Variants in TMEM127 observed in about 807,000 individuals in gnomAD.
TMEM127 encodes the protein transmembrane protein 127.
In TMEM127, 21 loss-of-function variants were observed where a neutral mutation model predicts 20.1. The observed-to-expected ratio is 1.04, with a 90% CI of 0.74 to 1.50. The LOEUF is 1.50. Among genes scored for constraint, TMEM127 ranks in the 40% most tolerant of loss-of-function variants. The pLI is 0.00. For missense variants in TMEM127, 303 were observed against 317.4 expected (o/e 0.95, Z 0.34); for synonymous variants, 150 against 144.7 (o/e 1.04, Z -0.26).
At chr2:96,262,403 A>G (rs1377623734) in intron 2 of TMEM127, among the ~76,000 whole-genome samples, 1 of 152,168 alleles carries the variant, frequency 6.6e-6, no homozygotes, top group Non-Finnish European at 1.5e-5. Context: ...ACAGGATACT[A>G]CATGTCTGAA....
In TMEM127 at chr2:96,250,626, G is replaced by T; in HGVS notation, c.*3182C>A. The T allele has an allele frequency of 8.6e-6, 2 of 233,044 alleles. No individual in the cohort carries two copies. The highest frequency in any genetic ancestry group is 1.7e-5 in the Non-Finnish European group (2 of 117,896). The allele number at this position is 233,044 out of a possible 1,614,324, so 14.4% of individuals were successfully genotyped here. On this transcript the variant is annotated 3_prime_UTR_variant, in exon 4 of 4. Coordinates refer to ENST00000258439, the MANE Select transcript of TMEM127 (RefSeq NM_017849.4). ...ACAACAACAAAAGAGACCTAAATGG[G>T]CTGCTCCCTGAAGAGAGCCCTCAGC...
At chr2:96,264,641 A>G (rs1238661852) in intron 2 of TMEM127, among the ~76,000 whole-genome samples, 1 of 152,252 alleles carries the variant, frequency 6.6e-6, no homozygotes, top group Admixed American at 6.5e-5. Context: ...CGACTGTTGT[A>G]CTGCGGGTGG....
chr2:96,254,817 C>T lies in TMEM127; in HGVS notation c.409+16G>A, dbSNP rs2104286752. On this transcript the variant is annotated intron_variant, in intron 3 of 3. Transcript: ENST00000258439. ...GTAGCAGTTCCTCTCCCACTGTGAGCAGGCTCACGGCTTACCCGTTAGGAT... is the reference window on the plus strand; with the variant it reads ...GTAGCAGTTCCTCTCCCACTGTGAGTAGGCTCACGGCTTACCCGTTAGGAT... 1 of 1,613,832 alleles carries T rather than the reference C, an allele frequency of 6.2e-7. No individual in the cohort carries two copies. Among genetic ancestry groups the T allele is most frequent in the Non-Finnish European group, 8.5e-7 (1 of 1,179,874 alleles).
rs1684036562 is a variant in TMEM127 at position 96,249,147 on chromosome 2, G to C, written c.*4661C>G. 4.4e-6 allele frequency: 1 copy of C among 228,172 alleles called. No homozygotes were observed. Among genetic ancestry groups the C allele is most frequent in the Non-Finnish European group, 8.7e-6 (1 of 114,878 alleles). The allele number at this position is 228,172 out of a possible 1,614,324, so 14.1% of individuals were successfully genotyped here. On this transcript the variant is annotated 3_prime_UTR_variant, in exon 4 of 4. Transcript: ENST00000258439. ...GATGGAGTCTCACTCTGTCAGGCTG[G>C]AGTCCAGTGGCATGATCTCGGCTCA...
rs1684402930 is a variant in TMEM127 at position 96,265,510 on chromosome 2, G to A, written c.-129C>T. ...GTTCGCTGCAGGTGAAGCCGGGACT[G>A]GGCTGTCAGGGTTGACACCAGAGGA... On this transcript the variant is annotated splice_region_variant and 5_prime_UTR_variant, in exon 2 of 4. Transcript: ENST00000258439. 10 of 1,201,954 alleles carry A rather than the reference G, an allele frequency of 8.3e-6. No homozygotes were observed. The highest frequency in any genetic ancestry group is 1.0e-5 in the Non-Finnish European group (10 of 954,296). 74.5% of individuals were successfully genotyped at this position (1,201,954 alleles called of 1,614,324 possible).
intron 2 of TMEM127, among the ~76,000 whole-genome samples, chr2:96,256,758 C>T (rs1444610151): frequency 6.6e-6 from 1 of 152,034 alleles, no homozygotes; most frequent in East Asian, 1.9e-4. Context: ...TTTAGTTTAG[C>T]TCCCTCCCTG....
At chr2:96,260,442 C>A (rs183805338) in intron 2 of TMEM127, 125 of 152,358 alleles carry the variant, frequency 8.2e-4, no homozygotes, top group Middle Eastern at 3.4e-3. Context: ...ACTTGAAATT[C>A]AAGCCAGTGG....
rs762609051 is a variant in TMEM127, at chr2:96,248,652, C to G, written c.*5156G>C. The G allele has an allele frequency of 1.3e-5, 3 of 225,520 alleles. No individual in the cohort carries two copies. The highest frequency in any genetic ancestry group is 2.6e-5 in the Non-Finnish European group (3 of 113,286). The allele number at this position is 225,520 out of a possible 1,614,324, so 14.0% of individuals were successfully genotyped here. A position where few individuals can be genotyped will look rare whatever the true frequency, so the allele number is the denominator to read the frequency against. ...CAAGAGGGAAGTGAAGCCATGGGGG[C>G]ATCTGGGGCTACATGGTCTATCTCG... is the stretch of plus-strand genomic sequence containing the variant. On this transcript the variant is annotated 3_prime_UTR_variant, in exon 4 of 4. Coordinates refer to ENST00000258439, the MANE Select transcript of TMEM127 (RefSeq NM_017849.4).
rs1447112240 is a variant in TMEM127 at position 96,254,981 on chromosome 2, G to A, written c.261C>T (p.Pro87=). ...TGACCCGCAGGAGCAGCACTGTCTG[G>A]GGATTCATGCAGAAATCTGTAGAGG... The part of the protein sequence containing the change: ...PDLLKDFCMN[P]QTVLLLRVIA... The change falls in exon 3 of 4, where the codon CCC becomes CCT. Residue 87 remains proline (P), a synonymous_variant. Transcript: ENST00000258439. The A allele has an allele frequency of 1.9e-6, 3 of 1,614,196 alleles. No individual in the cohort carries two copies. In the South Asian group the frequency reaches 3.3e-5, roughly 18 times the overall value.
chr2:96,250,238 C>T lies in TMEM127; in HGVS notation c.*3570G>A, dbSNP rs147574050. The T allele has an allele frequency of 4.3e-5, 10 of 233,252 alleles. No homozygotes were observed. Among genetic ancestry groups the T allele is most frequent in the African/African-American group, 1.3e-4 (6 of 45,440 alleles). 14.4% of individuals were successfully genotyped at this position (233,252 alleles called of 1,614,324 possible). ...TGAGCACCCCTCACCTTTCTAACCT[C>T]GGCTCTTACCACCTCCTGGCCACCA... On this transcript the variant is annotated 3_prime_UTR_variant, in exon 4 of 4. Coordinates refer to ENST00000258439, the MANE Select transcript of TMEM127 (RefSeq NM_017849.4).
chr2:96,261,698 T>C (rs900650456), intron 2 of TMEM127, among the ~76,000 whole-genome samples: 1 of 152,210 alleles, frequency 6.6e-6, no homozygotes. Flanking sequence ...AGTAAGAGTA[T>C]GGACTTTGGA....
At chr2:96,265,590 G>T in intron 1 of TMEM127, 78 bp from the exon 2 acceptor site, 2 of 545,084 alleles carry the variant, frequency 3.7e-6, no homozygotes, top group Non-Finnish European at 5.5e-6. Context: ...GGAATTCGGG[G>T]GGCGGAGACA....
rs149122699 is a variant in TMEM127 at position 96,251,796 on chromosome 2, G to A, written c.*2012C>T. Reference sequence around the variant, plus strand: ...GAAAGAAGAGGAAGGCCAAAGACATGGGGAGTGAATAAAAAGTGGGTTCCG... The same window carrying A: ...GAAAGAAGAGGAAGGCCAAAGACATAGGGAGTGAATAAAAAGTGGGTTCCG... On this transcript the variant is annotated 3_prime_UTR_variant, in exon 4 of 4. Coordinates refer to ENST00000258439, the MANE Select transcript of TMEM127 (RefSeq NM_017849.4). The A allele has an allele frequency of 4.3e-3, 991 of 233,172 alleles. 10 individuals carry two copies. Among genetic ancestry groups the A allele is most frequent in the African/African-American group, 0.02 (918 of 45,402 alleles). The allele number at this position is 233,172 out of a possible 1,614,324, so 14.4% of individuals were successfully genotyped here.
chr2:96,263,421 G>C (rs887667058), intron 2 of TMEM127, among the ~76,000 whole-genome samples: 3 of 147,994 alleles, frequency 2.0e-5, no homozygotes, highest in Admixed American at 6.8e-5. Flanking sequence ...GGAGCGCAAT[G>C]GCGCGATCTC....
chr2:96,262,414 G>A (rs540816735), intron 2 of TMEM127, among the ~76,000 whole-genome samples: 2 of 152,282 alleles, frequency 1.3e-5, no homozygotes, highest in East Asian at 1.9e-4. Context: ...CATGTCTGAA[G>A]GCCCACTGGG....
At position 96,254,506 on chromosome 2, in the gene TMEM127, G is replaced by A. The variant is rs527856362; in HGVS notation, c.409+327C>T. ...GAATCTGACCAGGAGCTCCAGGGGA[G>A]ACACGGGAGACTGCCTGGTTCCTTC... On this transcript the variant is annotated intron_variant, in intron 3 of 3. Coordinates refer to ENST00000258439, the MANE Select transcript of TMEM127 (RefSeq NM_017849.4). Among the ~76,000 whole-genome samples, 36 of 152,322 alleles carry A rather than the reference G, an allele frequency of 2.4e-4. 1 individual carries two copies. The South Asian group carries it at 4.1e-3, about 18-fold the overall frequency.
At chr2:96,261,122 T>C (rs553418979) in intron 2 of TMEM127, among the ~76,000 whole-genome samples, 1 of 152,294 alleles carries the variant, frequency 6.6e-6, no homozygotes, top group East Asian at 1.9e-4. Flanking sequence ...GTGGCCACAC[T>C]TGAGAGGCAG....
intron 2 of TMEM127, among the ~76,000 whole-genome samples, chr2:96,256,220 G>A (rs1406732138): frequency 6.8e-6 from 1 of 146,838 alleles, no homozygotes; most frequent in Non-Finnish European, 1.5e-5. Flanking sequence ...GCAGTGAGCC[G>A]AGATTGCACC....
chr2:96,260,147 C>G (rs1218689582), intron 2 of TMEM127, among the ~76,000 whole-genome samples: 1 of 152,222 alleles, frequency 6.6e-6, no homozygotes, highest in Non-Finnish European at 1.5e-5. Flanking sequence ...GTAACGTTAA[C>G]AGATACCCCA....
Sources: gnomAD v4.1 joint callset for allele counts (sites outside exome capture counted in the v4.1 genomes callset) on GRCh38, gnomAD v4.1.1 for gene constraint, MANE v1.5 for transcripts, NCBI Gene and HGNC (gene_info 2026-07-23, HGNC 2026-07-21) for gene names.